The following TYW1B variants were observed in gnomAD, a reference collection of about 807,000 sequenced individuals.
The protein encoded by TYW1B is S-adenosyl-L-methionine-dependent tRNA 4-demethylwyosine synthase TYW1B.
TYW1B carries 73 observed loss-of-function variants against 86.9 expected under a neutral mutation model. The observed-to-expected ratio is 0.84, with a 90% CI of 0.70 to 1.02. The LOEUF (loss-of-function observed/expected upper bound fraction) is 1.02. Among genes scored for constraint, TYW1B ranks in the 50% least tolerant of loss-of-function variants. The probability of loss-of-function intolerance (pLI) is 0.00; values close to 1 mark genes in which losing one functional copy is unlikely to be tolerated. For synonymous variants in TYW1B, 248 were observed against 292.8 expected (o/e 0.85, Z 1.56); for missense variants, 637 against 827.4 (o/e 0.77, Z 2.82).
At chr7:72,727,552 C>G (rs1554458971) in intron 9 of TYW1B, among the ~76,000 whole-genome samples, 1 of 152,138 alleles carries the variant, frequency 6.6e-6, no homozygotes, top group Admixed American at 6.6e-5. Context: ...TCAGGTGGCT[C>G]ACACCTGTAA....
intron 11 of TYW1B, among the ~76,000 whole-genome samples, chr7:72,633,559 T>C (rs1812595023): frequency 6.6e-6 from 1 of 152,234 alleles, no homozygotes; most frequent in Admixed American, 6.5e-5. Flanking sequence ...GACACCCTTC[T>C]GCTCCTCCCA....
chr7:72,645,748 T>C (rs540375274), intron 11 of TYW1B, among the ~76,000 whole-genome samples: 2 of 152,090 alleles, frequency 1.3e-5, no homozygotes, highest in South Asian at 2.1e-4. Context: ...GCAATCAAAA[T>C]AGCAATTATT....
chr7:72,752,589 G>T (rs1393504321), intron 7 of TYW1B, among the ~76,000 whole-genome samples: 1 of 151,974 alleles, frequency 6.6e-6, no homozygotes, highest in African/African-American at 2.4e-5. Context: ...AAATTAGCCG[G>T]GCATGGTGGC....
At chr7:72,694,205 C>T (rs575097528) in intron 11 of TYW1B, among the ~76,000 whole-genome samples, 31 of 152,222 alleles carry the variant, frequency 2.0e-4, no homozygotes, top group African/African-American at 7.0e-4. Context: ...TCAAGTGATC[C>T]GCCTGCCTCA....
chr7:72,717,644 GACACACACACACAC>G lies in TYW1B; in HGVS notation c.1193-3860_1193-3847del, dbSNP rs71071905. On this transcript the variant is annotated intron_variant, in intron 9 of 13. Coordinates refer to ENST00000620995, the MANE Select transcript of TYW1B (RefSeq NM_001145440.3). ...TAAGGTATTGGTGTCAGCTGTGCTT[GACACACACACACAC>G]ACACACACACACACACACACTCTAA... Among the ~76,000 whole-genome samples the G allele has an allele frequency of 4.0e-3, 588 of 146,204 alleles. 5 individuals are homozygous for G. The highest frequency in any genetic ancestry group is 0.014 in the African/African-American group (553 of 39,410).
At chr7:72,778,136 T>C (rs1177437620) in intron 6 of TYW1B, among the ~76,000 whole-genome samples, 34 of 152,158 alleles carry the variant, frequency 2.2e-4, no homozygotes, top group Non-Finnish European at 4.1e-4. Flanking sequence ...GTCAAACATT[T>C]TCAGCAATCT....
intron 10 of TYW1B, among the ~76,000 whole-genome samples, chr7:72,707,273 C>A (rs1554453864): frequency 6.6e-6 from 1 of 152,240 alleles, no homozygotes; most frequent in African/African-American, 2.4e-5. Flanking sequence ...TGAAACCCTG[C>A]CACCCTGTGA....
intron 11 of TYW1B, among the ~76,000 whole-genome samples, chr7:72,647,810 G>A (rs2960986): frequency 0.14 from 21,659 of 151,656 alleles, 2,323 homozygotes; most frequent in East Asian, 0.56. Context: ...TCAGCCTCCC[G>A]AGTAGCTGGA....
At chr7:72,756,110 G>A (rs768994948) in intron 7 of TYW1B, among the ~76,000 whole-genome samples, 2 of 152,136 alleles carry the variant, frequency 1.3e-5, no homozygotes, top group Non-Finnish European at 2.9e-5. Context: ...TATGAACCCA[G>A]GATAGAAATG....
chr7:72,819,491 G>C (rs1258216404), intron 2 of TYW1B, among the ~76,000 whole-genome samples: 1 of 152,164 alleles, frequency 6.6e-6, no homozygotes, highest in Non-Finnish European at 1.5e-5. Flanking sequence ...GAAGTGCAGT[G>C]GCACAGTCAC....
chr7:72,577,183 G>A (rs191819840), intron 13 of TYW1B, among the ~76,000 whole-genome samples: 1 of 143,978 alleles, frequency 6.9e-6, no homozygotes, highest in Non-Finnish European at 1.5e-5. Context: ...AAAATTTCCT[G>A]TTCTAGCCAC....
At chr7:72,718,198 T>G (rs139366149) in intron 9 of TYW1B, among the ~76,000 whole-genome samples, 2,121 of 152,002 alleles carry the variant, frequency 0.014, 44 homozygotes, top group African/African-American at 0.048. Context: ...CTGGAGGCCA[T>G]CATCCTAGGT....
chr7:72,715,516 A>G (rs1786762930), intron 9 of TYW1B, among the ~76,000 whole-genome samples: 1 of 152,124 alleles, frequency 6.6e-6, no homozygotes, highest in East Asian at 1.9e-4. Context: ...GAAAGAGTGT[A>G]AATAGGCAAA....
chr7:72,796,556 T>C (rs1184089902), intron 6 of TYW1B, among the ~76,000 whole-genome samples: 1 of 151,776 alleles, frequency 6.6e-6, no homozygotes, highest in Non-Finnish European at 1.5e-5. Context: ...TTTTTTAATT[T>C]GATGTAATAT....
chr7:72,675,554 T>TATAC (rs1173008371), intron 11 of TYW1B, among the ~76,000 whole-genome samples: 1 of 143,976 alleles, frequency 6.9e-6, no homozygotes, highest in African/African-American at 2.6e-5. Context: ...TATATATATA[T>TATAC]ATACACACAT....
chr7:72,613,223 G>A (rs1554436265), intron 13 of TYW1B, among the ~76,000 whole-genome samples: 1 of 152,082 alleles, frequency 6.6e-6, no homozygotes, highest in East Asian at 1.9e-4. Context: ...ACTGTGGCTG[G>A]TAGGCCCAAT....
intron 7 of TYW1B, among the ~76,000 whole-genome samples, chr7:72,758,144 C>T (rs1371053496): frequency 1.3e-5 from 2 of 152,070 alleles, no homozygotes; most frequent in African/African-American, 4.8e-5. Context: ...CCCTTAAACC[C>T]GGGAGGCAGA....
At chr7:72,741,014 A>T (rs1302662466) in intron 8 of TYW1B, among the ~76,000 whole-genome samples, 1 of 151,942 alleles carries the variant, frequency 6.6e-6, no homozygotes, top group Non-Finnish European at 1.5e-5. Context: ...ACAGGCATGA[A>T]CCACCATGCC....
chr7:72,682,702 G>A (rs573613812), intron 11 of TYW1B, among the ~76,000 whole-genome samples: 9 of 152,300 alleles, frequency 5.9e-5, no homozygotes, highest in African/African-American at 1.9e-4. Context: ...TCAGAGAAGT[G>A]AGGTCACAGG....
Sources: gnomAD v4.1 joint callset for allele counts (sites outside exome capture counted in the v4.1 genomes callset) on GRCh38, gnomAD v4.1.1 for gene constraint, MANE v1.5 for transcripts, NCBI Gene and HGNC (gene_info 2026-07-23, HGNC 2026-07-21) for gene names.